SNX29: variants seen among roughly 807,000 people sequenced by gnomAD.
SNX29 encodes sorting nexin-29.
In SNX29, 78 loss-of-function variants were observed where a neutral mutation model predicts 102.1. The ratio of observed to expected loss-of-function variants is 0.76; its 90% CI spans 0.64 to 0.92. The LOEUF (loss-of-function observed/expected upper bound fraction) is 0.92. Among genes scored for constraint, SNX29 ranks in the 40% least tolerant of loss-of-function variants. SNX29 has a pLI of 0.00. For synonymous variants in SNX29, 580 were observed against 414.5 expected (o/e 1.40, Z -4.85); for missense variants, 1,280 against 1,061.7 (o/e 1.21, Z -2.86).
intron 18 of SNX29, among the ~76,000 whole-genome samples, chr16:12,455,725 C>T (rs1208713322): frequency 6.6e-6 from 1 of 152,226 alleles, no homozygotes; most frequent in Non-Finnish European, 1.5e-5. Flanking sequence ...ATATGCAGAC[C>T]TTGGTCTTGA....
chr16:12,366,638 C>T (rs1390298016), intron 16 of SNX29, among the ~76,000 whole-genome samples: 2 of 152,322 alleles, frequency 1.3e-5, no homozygotes, highest in Non-Finnish European at 2.9e-5. Flanking sequence ...ACTGCCTTTC[C>T]CAGGAACTTT....
At chr16:12,563,832 GCC>G (rs551301971) in intron 20 of SNX29, among the ~76,000 whole-genome samples, 1,655 of 152,262 alleles carry the variant, frequency 0.011, 24 homozygotes, top group African/African-American at 0.038. Flanking sequence ...TATTCAGGCT[GCC>G]TGTAAATATC....
intron 19 of SNX29, among the ~76,000 whole-genome samples, chr16:12,496,959 C>T (rs1344617107): frequency 6.6e-6 from 1 of 152,164 alleles, no homozygotes; most frequent in Non-Finnish European, 1.5e-5. Context: ...TCTTGATGTC[C>T]AGGTGCTCCT....
chr16:12,149,204 C>T (rs899524618), intron 13 of SNX29, among the ~76,000 whole-genome samples: 1 of 152,124 alleles, frequency 6.6e-6, no homozygotes, highest in Non-Finnish European at 1.5e-5. Flanking sequence ...GAGCCCCAGC[C>T]CTGACACCTG....
chr16:12,092,035 T>G (rs969147399), intron 11 of SNX29, among the ~76,000 whole-genome samples: 9 of 152,156 alleles, frequency 5.9e-5, no homozygotes, highest in Non-Finnish European at 1.3e-4. Context: ...AGGCCCTCTT[T>G]CCCTGGCCGT....
intron 14 of SNX29, among the ~76,000 whole-genome samples, chr16:12,213,433 A>G (rs1463189305): frequency 1.3e-5 from 2 of 152,230 alleles, no homozygotes; most frequent in African/African-American, 2.4e-5. Context: ...TACACAGTTC[A>G]TTCAAGTCAC....
intron 15 of SNX29, among the ~76,000 whole-genome samples, chr16:12,318,601 G>T (rs901549509): frequency 6.6e-6 from 1 of 152,160 alleles, no homozygotes; most frequent in Non-Finnish European, 1.5e-5. Context: ...GGCTGGACGC[G>T]GTGGCTTATG....
chr16:12,481,465 TAC>T (rs138169617), intron 19 of SNX29, among the ~76,000 whole-genome samples: 5 of 102,576 alleles, frequency 4.9e-5, no homozygotes, highest in South Asian at 4.4e-4. Context: ...CATATATATA[TAC>T]ACATATATAC....
intron 16 of SNX29, chr16:12,367,207 T>A (rs892703242): frequency 6.6e-6 from 1 of 152,380 alleles, no homozygotes; most frequent in African/African-American, 2.4e-5. Context: ...CATTTTCCCC[T>A]GTGGACCTGG....
intron 4 of SNX29, among the ~76,000 whole-genome samples, chr16:12,042,493 T>C (rs144072181): frequency 0.015 from 2,273 of 152,274 alleles, 46 homozygotes; most frequent in African/African-American, 0.052. Flanking sequence ...CTACTCTCTC[T>C]AGCAGCCCCC....
intron 20 of SNX29, among the ~76,000 whole-genome samples, chr16:12,541,705 G>T (rs1001993177): frequency 3.9e-5 from 6 of 152,094 alleles, no homozygotes; most frequent in African/African-American, 1.4e-4. Context: ...GCGGGAGTGG[G>T]TTCCTGATTC....
chr16:12,208,114 G>A (rs2077091421), intron 14 of SNX29, among the ~76,000 whole-genome samples: 1 of 152,154 alleles, frequency 6.6e-6, no homozygotes, highest in Admixed American at 6.5e-5. Context: ...TTAAGAGCGG[G>A]GAGATGATTA....
At chr16:12,366,628 A>C (rs774916577) in intron 16 of SNX29, among the ~76,000 whole-genome samples, 2 of 152,174 alleles carry the variant, frequency 1.3e-5, no homozygotes, top group Non-Finnish European at 2.9e-5. Flanking sequence ...CTAGAACAGC[A>C]CTGCCTTTCC....
At chr16:12,084,225 A>C (rs1349842030) in intron 11 of SNX29, among the ~76,000 whole-genome samples, 1 of 151,852 alleles carries the variant, frequency 6.6e-6, no homozygotes, top group Non-Finnish European at 1.5e-5. Context: ...GGGTCACTGA[A>C]ACCTCCGCCT....
chr16:12,505,005 G>A (rs1272920436), intron 19 of SNX29, among the ~76,000 whole-genome samples: 1 of 152,186 alleles, frequency 6.6e-6, no homozygotes, highest in East Asian at 1.9e-4. Flanking sequence ...GCCGGGCACA[G>A]TGGCTCATAC....
Position 12,412,920 on chromosome 16 carries a change from G to C in SNX29, c.2037+9391G>C, listed in dbSNP as rs558499628. Reference sequence around the variant, plus strand: ...ACACTTTCTAGCCACTCATGTTTCTGCTGTGTCTCAGGGCTACCTGGCTCT... The same window carrying C: ...ACACTTTCTAGCCACTCATGTTTCTCCTGTGTCTCAGGGCTACCTGGCTCT... On this transcript the variant is annotated intron_variant, in intron 18 of 20. Coordinates refer to ENST00000566228, the MANE Select transcript of SNX29 (RefSeq NM_032167.5). 3.0e-3 allele frequency among the ~76,000 whole-genome samples: 456 copies of C among 152,348 alleles called. 1 individual carries two copies. The highest frequency in any genetic ancestry group is 5.7e-3 in the Non-Finnish European group (391 of 68,034).
intron 18 of SNX29, among the ~76,000 whole-genome samples, chr16:12,460,445 A>C (rs969412763): frequency 6.6e-6 from 1 of 152,040 alleles, no homozygotes; most frequent in African/African-American, 2.4e-5. Flanking sequence ...CTCCTTCTAT[A>C]TTTTTAGCTT....
chr16:12,073,037 C>T (rs1208249818), intron 10 of SNX29, among the ~76,000 whole-genome samples: 6 of 151,236 alleles, frequency 4.0e-5, no homozygotes, highest in South Asian at 2.1e-4. Flanking sequence ...TTTTTTATTG[C>T]GTCTATTTGA....
intron 14 of SNX29, among the ~76,000 whole-genome samples, chr16:12,277,239 C>CAA (rs933264603): frequency 6.6e-6 from 1 of 151,854 alleles, no homozygotes; most frequent in South Asian, 2.1e-4. Flanking sequence ...ACTAAAAAAA[C>CAA]AAAAAAAGAA....
Sources: gnomAD v4.1 joint callset for allele counts (sites outside exome capture counted in the v4.1 genomes callset) on GRCh38, gnomAD v4.1.1 for gene constraint, MANE v1.5 for transcripts, NCBI Gene and HGNC (gene_info 2026-07-23, HGNC 2026-07-21) for gene names.